GPC5: variants seen among roughly 807,000 people sequenced by gnomAD.
The protein encoded by GPC5 is glypican 5.
GPC5 carries 47 observed loss-of-function variants against 53.9 expected under a neutral mutation model. The observed-to-expected ratio is 0.87, with a 90% CI of 0.69 to 1.11. The LOEUF is 1.11. Among genes scored for constraint, GPC5 ranks in the 50% most tolerant of loss-of-function variants. The probability of loss-of-function intolerance (pLI) is 0.00; values close to 1 mark genes in which losing one functional copy is unlikely to be tolerated. For synonymous variants in GPC5, 286 were observed against 263.3 expected, an observed-to-expected ratio of 1.09 and a Z score of -0.84; for missense variants, 748 against 713.1, an observed-to-expected ratio of 1.05 and a Z score of -0.56.
At chr13:91,869,473 A>G (rs1185512718) in intron 5 of GPC5, among the ~76,000 whole-genome samples, 3 of 152,234 alleles carry the variant, frequency 2.0e-5, no homozygotes, top group Admixed American at 1.3e-4. Flanking sequence ...AATTACTTTT[A>G]TAAATTGGGT....
intron 1 of GPC5, among the ~76,000 whole-genome samples, chr13:91,427,579 T>A (rs545033145): frequency 7.2e-5 from 11 of 152,330 alleles, no homozygotes; most frequent in African/African-American, 2.6e-4. Context: ...TTGTTTTTGA[T>A]TTTACAGGCT....
chr13:91,773,037 CTTG>C (rs2037653010), intron 5 of GPC5, among the ~76,000 whole-genome samples: 1 of 152,000 alleles, frequency 6.6e-6, no homozygotes, highest in African/African-American at 2.4e-5. Context: ...ATGTGAGATT[CTTG>C]TTTGACTATT....
At chr13:91,435,780 T>A (rs1879891808) in intron 1 of GPC5, among the ~76,000 whole-genome samples, 1 of 152,128 alleles carries the variant, frequency 6.6e-6, no homozygotes, top group South Asian at 2.1e-4. Flanking sequence ...TCCTCCTTGT[T>A]CCTCTGATAG....
chr13:91,863,143 T>C lies in GPC5; in HGVS notation c.1281-44794T>C, dbSNP rs193016200. ...CCATTTAGGTTTTCTGAGATTTCCT[T>C]GTGACTATAGTCAGGGAATGCACTT... is the stretch of plus-strand genomic sequence containing the variant. On this transcript the variant is annotated intron_variant, in intron 5 of 7. Transcript: ENST00000377067. Among the ~76,000 whole-genome samples the C allele has an allele frequency of 2.2e-3, 341 of 152,066 alleles. 3 individuals carry two copies. Among genetic ancestry groups the C allele is most frequent in the African/African-American group, 8.0e-3 (331 of 41,504 alleles).
intron 4 of GPC5, among the ~76,000 whole-genome samples, chr13:91,748,621 A>G (rs1483452722): frequency 6.6e-6 from 1 of 152,214 alleles, no homozygotes; most frequent in Non-Finnish European, 1.5e-5. Flanking sequence ...TAGGAAGCAC[A>G]TTCATTAATT....
At chr13:92,649,063 A>G (rs1885864016) in intron 7 of GPC5, among the ~76,000 whole-genome samples, 1 of 152,128 alleles carries the variant, frequency 6.6e-6, no homozygotes, top group South Asian at 2.1e-4. Context: ...TTGTTGATAT[A>G]TTATAACAAT....
At chr13:91,511,444 T>C (rs924935928) in intron 2 of GPC5, among the ~76,000 whole-genome samples, 5 of 152,204 alleles carry the variant, frequency 3.3e-5, no homozygotes, top group Non-Finnish European at 5.9e-5. Flanking sequence ...ATTCTTTTTT[T>C]TCTGCTTCCT....
intron 2 of GPC5, among the ~76,000 whole-genome samples, chr13:91,546,194 T>A (rs1426314474): frequency 6.6e-6 from 1 of 152,110 alleles, no homozygotes; most frequent in Non-Finnish European, 1.5e-5. Context: ...TACCTATCTA[T>A]AGTAGAAGAA....
intron 2 of GPC5, among the ~76,000 whole-genome samples, chr13:91,449,660 T>G (rs1161327345): frequency 2.0e-5 from 3 of 152,184 alleles, no homozygotes; most frequent in Non-Finnish European, 4.4e-5. Context: ...CAGGAAATGT[T>G]AATTGGATGT....
chr13:91,716,972 A>G (rs1013449251), intron 3 of GPC5, among the ~76,000 whole-genome samples: 14 of 152,232 alleles, frequency 9.2e-5, no homozygotes, highest in African/African-American at 3.4e-4. Flanking sequence ...ACAACTGTAA[A>G]CACGACCAAA....
chr13:91,639,205 C>T (rs2034358691), intron 2 of GPC5, among the ~76,000 whole-genome samples: 1 of 152,102 alleles, frequency 6.6e-6, no homozygotes, highest in South Asian at 2.1e-4. Context: ...TATAGGTAAA[C>T]AGATATAAGT....
chr13:92,518,734 A>G (rs551425757), intron 7 of GPC5, among the ~76,000 whole-genome samples: 107 of 152,302 alleles, frequency 7.0e-4, no homozygotes, highest in African/African-American at 1.9e-3. Flanking sequence ...CGAGCAAAAT[A>G]ACCAGCTAAC....
At chr13:92,151,945 A>G (rs1226427317) in intron 7 of GPC5, among the ~76,000 whole-genome samples, 1 of 152,212 alleles carries the variant, frequency 6.6e-6, no homozygotes, top group Non-Finnish European at 1.5e-5. Context: ...TATTTATGAG[A>G]CAGTGGTATT....
intron 1 of GPC5, among the ~76,000 whole-genome samples, chr13:91,424,840 A>T (rs1878923143): frequency 6.6e-6 from 1 of 152,226 alleles, no homozygotes; most frequent in African/African-American, 2.4e-5. Context: ...AGAGAGCAGG[A>T]ACATAATCTA....
chr13:91,567,809 G>A (rs9583946), intron 2 of GPC5, among the ~76,000 whole-genome samples: 40,635 of 151,964 alleles, frequency 0.27, 6,506 homozygotes, highest in African/African-American at 0.45. Context: ...TCTTTTGTTC[G>A]GTTATAGGTG....
chr13:91,829,622 G>T (rs1307840670), intron 5 of GPC5, among the ~76,000 whole-genome samples: 2 of 151,988 alleles, frequency 1.3e-5, no homozygotes, highest in Non-Finnish European at 2.9e-5. Flanking sequence ...GGTTCTCTTA[G>T]AGGTATCGGG....
intron 6 of GPC5, among the ~76,000 whole-genome samples, chr13:91,945,029 A>G (rs543849003): frequency 6.6e-6 from 1 of 152,348 alleles, no homozygotes; most frequent in East Asian, 1.9e-4. Context: ...ACACAGAGAT[A>G]TATCTTGGAG....
intron 6 of GPC5, among the ~76,000 whole-genome samples, chr13:92,022,467 A>G (rs999699169): frequency 7.2e-5 from 11 of 152,148 alleles, no homozygotes; most frequent in Admixed American, 3.3e-4. Context: ...AAGTACCTCA[A>G]AGACATAGAC....
At chr13:91,475,138 A>G (rs1882857549) in intron 2 of GPC5, among the ~76,000 whole-genome samples, 1 of 152,192 alleles carries the variant, frequency 6.6e-6, no homozygotes, top group Non-Finnish European at 1.5e-5. Flanking sequence ...GAGGTGGCAA[A>G]AGCACATGCC....
Sources: gnomAD v4.1 joint callset for allele counts (sites outside exome capture counted in the v4.1 genomes callset) on GRCh38, gnomAD v4.1.1 for gene constraint, MANE v1.5 for transcripts, NCBI Gene and HGNC (gene_info 2026-07-23, HGNC 2026-07-21) for gene names.